CNTNAP2: variants seen among roughly 807,000 people sequenced by gnomAD.
CNTNAP2 encodes the protein contactin associated protein 2, also known as contactin-associated protein-like 2.
Under a neutral mutation model 155.2 loss-of-function variants are expected in CNTNAP2, and 98 were observed. The ratio of observed to expected loss-of-function variants is 0.63; its 90% CI spans 0.54 to 0.75. CNTNAP2 has a LOEUF of 0.75. CNTNAP2 is among the 30% of genes least tolerant of loss of function. CNTNAP2 has a pLI of 0.00. For synonymous variants in CNTNAP2, 651 were observed against 631.2 expected, an observed-to-expected ratio of 1.03 and a Z score of -0.47; for missense variants, 1,727 against 1,688.1, an observed-to-expected ratio of 1.02 and a Z score of -0.40.
At chr7:146,929,984 G>T (rs1027185076) in intron 3 of CNTNAP2, among the ~76,000 whole-genome samples, 16 of 152,174 alleles carry the variant, frequency 1.1e-4, no homozygotes, top group African/African-American at 1.7e-4. Context: ...GACAGTGATG[G>T]GGAGAATGGA....
intron 8 of CNTNAP2, among the ~76,000 whole-genome samples, chr7:147,228,630 A>G (rs1012384598): frequency 1.2e-4 from 18 of 152,170 alleles, no homozygotes; most frequent in Non-Finnish European, 1.5e-4. Flanking sequence ...TTAAATGAAG[A>G]ATTTCCATTA....
intron 1 of CNTNAP2, among the ~76,000 whole-genome samples, chr7:146,573,699 G>T (rs930328652): frequency 1.3e-5 from 2 of 152,168 alleles, no homozygotes; most frequent in Non-Finnish European, 2.9e-5. Flanking sequence ...TACTTATCAA[G>T]CTTGCAACAG....
chr7:146,966,124 T>A (rs1287369164), intron 3 of CNTNAP2, among the ~76,000 whole-genome samples: 1 of 152,190 alleles, frequency 6.6e-6, no homozygotes, highest in Non-Finnish European at 1.5e-5. Flanking sequence ...GTAAATTATT[T>A]GGGATTGTCA....
chr7:147,493,324 G>T (rs1798641294), intron 11 of CNTNAP2, among the ~76,000 whole-genome samples: 1 of 152,152 alleles, frequency 6.6e-6, no homozygotes, highest in Non-Finnish European at 1.5e-5. Context: ...TAGTCAGGTT[G>T]TGCTTCTGTG....
At chr7:147,468,664 A>T (rs1798160592) in intron 10 of CNTNAP2, among the ~76,000 whole-genome samples, 2 of 151,880 alleles carry the variant, frequency 1.3e-5, no homozygotes, top group South Asian at 4.1e-4. Context: ...AAAAGGGATA[A>T]ATAATCTAAA....
At chr7:146,142,686 C>T (rs551625838) in intron 1 of CNTNAP2, among the ~76,000 whole-genome samples, 2 of 152,294 alleles carry the variant, frequency 1.3e-5, no homozygotes, top group East Asian at 1.9e-4. Context: ...ACTTTCACTT[C>T]GTATTACCCT....
At chr7:146,352,771 T>TTTTTTTTTTC (rs1563051362) in intron 1 of CNTNAP2, among the ~76,000 whole-genome samples, 1 of 142,612 alleles carries the variant, frequency 7.0e-6, no homozygotes, top group African/African-American at 2.7e-5. Context: ...TTTTTTTTTT[T>TTTTTTTTTTC]CGAGACAGAG....
At chr7:146,697,450 G>A (rs1270734528) in intron 1 of CNTNAP2, among the ~76,000 whole-genome samples, 1 of 152,070 alleles carries the variant, frequency 6.6e-6, no homozygotes, top group Non-Finnish European at 1.5e-5. Context: ...TGTTGGCCAG[G>A]CTGGTCTCAA....
At chr7:147,899,663 T>A (rs2116744253) in intron 13 of CNTNAP2, among the ~76,000 whole-genome samples, 1 of 152,230 alleles carries the variant, frequency 6.6e-6, no homozygotes, top group East Asian at 1.9e-4. Flanking sequence ...GGCGGGTGGA[T>A]CACCTGAGGT....
Position 147,819,946 on chromosome 7 carries a change from A to G in CNTNAP2, c.2099-83619A>G, listed in dbSNP as rs575958577. Among the ~76,000 whole-genome samples, 5 of 152,282 alleles carry G rather than the reference A, an allele frequency of 3.3e-5. No individual in the cohort carries two copies. In the South Asian group the frequency reaches 1.0e-3, roughly 32 times the overall value. On this transcript the variant is annotated intron_variant, in intron 13 of 23. Coordinates refer to ENST00000361727, the MANE Select transcript of CNTNAP2 (RefSeq NM_014141.6). ...TTTGGGATGTTTCTAGCTTTGAAATATTGTGAATAAAGCTGCTATAACATT... is the reference window on the plus strand; with the variant it reads ...TTTGGGATGTTTCTAGCTTTGAAATGTTGTGAATAAAGCTGCTATAACATT...
intron 13 of CNTNAP2, among the ~76,000 whole-genome samples, chr7:147,796,289 C>A (rs1314037463): frequency 6.6e-6 from 1 of 152,126 alleles, no homozygotes; most frequent in Non-Finnish European, 1.5e-5. Context: ...ATAACAAAAA[C>A]ACAGGAGACC....
intron 1 of CNTNAP2, among the ~76,000 whole-genome samples, chr7:146,642,305 C>A (rs1260564937): frequency 9.6e-6 from 1 of 104,212 alleles, no homozygotes; most frequent in Non-Finnish European, 1.8e-5. Context: ...CTATCCCTCC[C>A]CCCTCCCCCC....
intron 8 of CNTNAP2, among the ~76,000 whole-genome samples, chr7:147,262,945 A>C (rs953519406): frequency 6.6e-6 from 1 of 152,198 alleles, no homozygotes; most frequent in African/African-American, 2.4e-5. Context: ...TTAAGCACCC[A>C]GTCTGTGTAT....
At chr7:146,232,961 A>T (rs990073981) in intron 1 of CNTNAP2, among the ~76,000 whole-genome samples, 2 of 152,124 alleles carry the variant, frequency 1.3e-5, no homozygotes, top group African/African-American at 4.8e-5. Context: ...CCATTTAATT[A>T]TTCCATCTCT....
intron 13 of CNTNAP2, among the ~76,000 whole-genome samples, chr7:147,888,041 A>T (rs1013082792): frequency 6.6e-6 from 1 of 152,354 alleles, no homozygotes; most frequent in East Asian, 1.9e-4. Flanking sequence ...CCTTCTACTG[A>T]ACCTCACAGG....
chr7:147,398,405 GA>G (rs35760248), intron 10 of CNTNAP2, among the ~76,000 whole-genome samples: 7 of 146,446 alleles, frequency 4.8e-5, no homozygotes, highest in East Asian at 2.0e-4. Flanking sequence ...TTGAGAGGGA[GA>G]AAAAAAAAAG....
At chr7:146,221,073 G>C (rs73739570) in intron 1 of CNTNAP2, among the ~76,000 whole-genome samples, 4,583 of 152,242 alleles carry the variant, frequency 0.03, 234 homozygotes, top group African/African-American at 0.11. Context: ...TCCTTAATCC[G>C]TGTGAGAATG....
chr7:147,994,188 T>C (rs182315446), intron 15 of CNTNAP2, among the ~76,000 whole-genome samples: 1 of 152,062 alleles, frequency 6.6e-6, no homozygotes, highest in East Asian at 1.9e-4. Context: ...CTGGGCAACA[T>C]AGCAAGACCC....
At chr7:147,353,116 T>TATACATACATATAC (rs1166699698) in intron 9 of CNTNAP2, among the ~76,000 whole-genome samples, 7 of 151,810 alleles carry the variant, frequency 4.6e-5, no homozygotes, top group South Asian at 2.1e-4. Context: ...CACATGTATA[T>TATACATACATATAC]GTATATATAC....
Sources: gnomAD v4.1 joint callset for allele counts (sites outside exome capture counted in the v4.1 genomes callset) on GRCh38, gnomAD v4.1.1 for gene constraint, MANE v1.5 for transcripts, NCBI Gene and HGNC (gene_info 2026-07-23, HGNC 2026-07-21) for gene names.